The following OR4M1 variants were observed in gnomAD, a reference collection of about 807,000 sequenced individuals.
OR4M1 encodes the protein olfactory receptor family 4 subfamily M member 1.
A neutral mutation model predicts 9.8 loss-of-function variants in OR4M1; 7 were observed. The ratio of observed to expected loss-of-function variants is 0.71; its 90% CI spans 0.41 to 1.34. The LOEUF is 1.34. Ranked by LOEUF, OR4M1 falls within the 40% of genes most tolerant of loss-of-function variation. OR4M1 has a pLI of 0.01. For missense variants in OR4M1, 331 were observed against 380.4 expected (o/e 0.87, Z 1.08); for synonymous variants, 121 against 139.8 (o/e 0.87, Z 0.95).
chr14:19,780,989 G>A lies in OR4M1; in HGVS notation c.667G>A (p.Ala223Thr), dbSNP rs1401195387. Residue 223 changes from alanine to threonine, a missense_variant, in exon 2 of 2, where the codon GCC becomes ACC. Around this residue, in one of 2 missense-constraint regions of OR4M1, gnomAD observed 122 missense variants for 180.5 expected, o/e 0.68. Coordinates refer to ENST00000641200, the MANE Select transcript of OR4M1 (RefSeq NM_001005500.2). ...GTTAATGTCCTATGCCTTCCTTCTG[G>A]CCTTGCTCAAGAAACATTCAGGCTC... is the stretch of plus-strand genomic sequence containing the variant. ...ALLMSYAFLL[A>T]LLKKHSGSGE... The A allele has an allele frequency of 1.2e-6, 2 of 1,614,054 alleles. No individual in the cohort carries two copies. Among genetic ancestry groups the A allele is most frequent in the Non-Finnish European group, 1.7e-6 (2 of 1,180,036 alleles).
At chr14:19,774,387 T>C (rs1878250781) in intron 1 of OR4M1, among the ~76,000 whole-genome samples, 1 of 152,234 alleles carries the variant, frequency 6.6e-6, no homozygotes, top group Admixed American at 6.5e-5. Flanking sequence ...CATCCATCCA[T>C]CTATCCATTT....
intron 1 of OR4M1, among the ~76,000 whole-genome samples, chr14:19,778,671 C>T (rs1293815035): frequency 2.0e-5 from 3 of 152,182 alleles, no homozygotes; most frequent in African/African-American, 7.2e-5. Context: ...GCCCTCATAA[C>T]TAATAACACA....
At chr14:19,776,013 G>T (rs1878300215) in intron 1 of OR4M1, among the ~76,000 whole-genome samples, 1 of 152,016 alleles carries the variant, frequency 6.6e-6, no homozygotes, top group South Asian at 2.1e-4. Flanking sequence ...GAGGTCCCTG[G>T]GTTTCCTATA....
chr14:19,780,889 T>C lies in OR4M1; in HGVS notation c.567T>C (p.Cys189=), dbSNP rs1305722406. The C allele has an allele frequency of 1.2e-6, 2 of 1,614,236 alleles. No homozygotes were observed. Among genetic ancestry groups the C allele is most frequent in the East Asian group, 2.2e-5 (1 of 44,880 alleles). ...CDITQVVRIA[C]ANTFPEELVM... is the part of the protein sequence containing the mutation. ...TCACACAGGTTGTCCGGATTGCCTG[T>C]GCCAACACCTTCCCAGAGGAGTTAG... Residue 189 remains cysteine, a synonymous_variant, in exon 2 of 2, where the codon TGT becomes TGC. Coordinates refer to ENST00000641200, the MANE Select transcript of OR4M1 (RefSeq NM_001005500.2).
rs866585972 is a variant in OR4M1, at chr14:19,780,786, A to T, written c.464A>T (p.His155Leu). 1 of 1,614,182 alleles carries T rather than the reference A, an allele frequency of 6.2e-7. No homozygotes were observed. Among genetic ancestry groups the T allele is most frequent in the East Asian group, 2.2e-5 (1 of 44,886 alleles). The change falls in exon 2 of 2, where the codon CAT becomes CTT. Residue 155 changes from histidine to leucine, a missense_variant. Coordinates refer to ENST00000641200, the MANE Select transcript of OR4M1 (RefSeq NM_001005500.2). The part of the protein sequence containing the change: ...VALSWMGGFI[H>L]SIIQVALIVR... ...CTCTCCTGGATGGGGGGCTTCATTC[A>T]TTCTATAATACAGGTGGCTCTCATT...
chr14:19,776,430 T>G (rs1878311019), intron 1 of OR4M1, among the ~76,000 whole-genome samples: 1 of 152,218 alleles, frequency 6.6e-6, no homozygotes, highest in African/African-American at 2.4e-5. Flanking sequence ...GGTATTTCCA[T>G]AGTCACCCTC....
In OR4M1 at chr14:19,780,754, G is replaced by A. The variant is rs1878461341; in HGVS notation, c.432G>A (p.Leu144=). 1 of 1,614,194 alleles carries A rather than the reference G, an allele frequency of 6.2e-7. No individual in the cohort carries two copies. The highest frequency in any genetic ancestry group is 8.5e-7 in the Non-Finnish European group (1 of 1,180,034). The change falls in exon 2 of 2, where the codon CTG becomes CTA. Residue 144 remains leucine, a synonymous_variant. Coordinates refer to ENST00000641200, the MANE Select transcript of OR4M1 (RefSeq NM_001005500.2). ...TIMNRRLCCI[L]VALSWMGGFI... ...TGAATCGACGTCTCTGCTGTATCCTGGTGGCTCTCTCCTGGATGGGGGGCT... is the reference window on the plus strand; with the variant it reads ...TGAATCGACGTCTCTGCTGTATCCTAGTGGCTCTCTCCTGGATGGGGGGCT...
intron 1 of OR4M1, among the ~76,000 whole-genome samples, chr14:19,778,425 G>T (rs1878373137): frequency 6.6e-6 from 1 of 152,196 alleles, no homozygotes; most frequent in African/African-American, 2.4e-5. Context: ...TCTTGTAATG[G>T]TATTTACCGC....
intron 1 of OR4M1, among the ~76,000 whole-genome samples, chr14:19,779,183 T>G (rs553613475): frequency 6.6e-6 from 1 of 152,226 alleles, no homozygotes; most frequent in Middle Eastern, 3.2e-3. Flanking sequence ...GTAGTATACA[T>G]AGTGCCCATA....
Position 19,781,198 on chromosome 14 carries a change from A to C in OR4M1, c.876A>C (p.Arg292Ser), listed in dbSNP as rs1446562098. 1.9e-6 allele frequency: 3 copies of C among 1,614,152 alleles called. No individual in the cohort carries two copies. Among genetic ancestry groups the C allele is most frequent in the South Asian group, 2.2e-5 (2 of 91,074 alleles). The stretch of plus-strand genomic sequence containing the variant: ...TTAATCCCATTATTTACACATTGAG[A>C]AACAAGGAAGTAAAGGCAGCCATGA... ...PLLNPIIYTLRNKEVKAAMRK... is the reference protein window; with the variant it reads ...PLLNPIIYTLSNKEVKAAMRK... The change falls in exon 2 of 2, where the codon AGA (arginine) becomes AGC (serine). Residue 292 changes from arginine (R) to serine (S), a missense_variant. Coordinates refer to ENST00000641200, the MANE Select transcript of OR4M1 (RefSeq NM_001005500.2).
chr14:19,781,795 TGAG>T lies in OR4M1; in HGVS notation c.*534_*536del, dbSNP rs1167075850. 6.4e-6 allele frequency: 1 copy of T among 155,630 alleles called. No homozygotes were observed. The highest frequency in any genetic ancestry group is 2.4e-5 in the African/African-American group (1 of 41,488). 9.6% of individuals were successfully genotyped at this position (155,630 alleles called of 1,614,324 possible). A position where few individuals can be genotyped will look rare whatever the true frequency, so the allele number is the denominator to read the frequency against. On this transcript the variant is annotated 3_prime_UTR_variant, in exon 2 of 2. Coordinates refer to ENST00000641200, the MANE Select transcript of OR4M1 (RefSeq NM_001005500.2). ...TCTTATTTCCAGAGTTGATGGAAAA[TGAG>T]GATTCATTTATAGAAGGTATTTCAG...
Position 19,780,868 on chromosome 14 carries a change from A to G in OR4M1, c.546A>G (p.Thr182=). The G allele has an allele frequency of 2.5e-6, 4 of 1,614,194 alleles. No homozygotes were observed. Among genetic ancestry groups the G allele is most frequent in the Non-Finnish European group, 3.4e-6 (4 of 1,180,032 alleles). Residue 182 remains threonine, a synonymous_variant, in exon 2 of 2, where the codon ACA becomes ACG. Transcript: ENST00000641200. ...NELDSYFCDI[T]QVVRIACANT... is the part of the protein sequence containing the mutation. ...TAGACAGTTACTTCTGTGACATCACACAGGTTGTCCGGATTGCCTGTGCCA... is the reference window on the plus strand; with the variant it reads ...TAGACAGTTACTTCTGTGACATCACGCAGGTTGTCCGGATTGCCTGTGCCA...
Position 19,780,619 on chromosome 14 carries a change from A to G in OR4M1, c.297A>G (p.Ala99=), listed in dbSNP as rs202052638. The change falls in exon 2 of 2, where the codon GCA becomes GCG. Residue 99 remains alanine, a synonymous_variant. Transcript: ENST00000641200. The part of the protein sequence containing the change: ...RKIISFGGCI[A]QLFFLHFVGA... Reference sequence around the variant, plus strand: ...TAATTTCCTTTGGTGGATGCATTGCACAGCTCTTCTTCTTACACTTTGTTG... The same window carrying G: ...TAATTTCCTTTGGTGGATGCATTGCGCAGCTCTTCTTCTTACACTTTGTTG... 4.5e-4 allele frequency: 731 copies of G among 1,614,120 alleles called. 2 individuals are homozygous for G. In the Admixed American group the frequency reaches 0.012, roughly 26 times the overall value.
rs1310262442 is a variant in OR4M1, at chr14:19,777,034, ATATATATATATATATT to A, written c.-29-3259_-29-3244del. Among the ~76,000 whole-genome samples, 173 of 128,562 alleles carry A rather than the reference ATATATATATATATATT, an allele frequency of 1.3e-3. 1 individual carries two copies. The highest frequency in any genetic ancestry group is 4.2e-3 in the Middle Eastern group (1 of 238). 84.3% of individuals were successfully genotyped at this position (128,562 alleles called of 152,430 possible). The stretch of plus-strand genomic sequence containing the variant: ...TATATATATATATATATATATATAT[ATATATATATATATATT>A]GTTTGTTTGTTTTTCCTGTAATGTT... On this transcript the variant is annotated intron_variant, in intron 1 of 1. Coordinates refer to ENST00000641200, the MANE Select transcript of OR4M1 (RefSeq NM_001005500.2).
In OR4M1 at chr14:19,781,366, T is replaced by C. The variant is rs1452784327; in HGVS notation, c.*102T>C. 4 of 1,080,996 alleles carry C rather than the reference T, an allele frequency of 3.7e-6. No homozygotes were observed. The highest frequency in any genetic ancestry group is 5.2e-6 in the Non-Finnish European group (4 of 769,576). The allele number at this position is 1,080,996 out of a possible 1,614,324, so 67.0% of individuals were successfully genotyped here. A position where few individuals can be genotyped will look rare whatever the true frequency, so the allele number is the denominator to read the frequency against. ...CATTCACTTCCTCCGTTCATTTGTG[T>C]TCTTAAAATTTTACTATAATTTTTC... is the stretch of plus-strand genomic sequence containing the variant. On this transcript the variant is annotated 3_prime_UTR_variant, in exon 2 of 2. Coordinates refer to ENST00000641200, the MANE Select transcript of OR4M1 (RefSeq NM_001005500.2).
rs1179562872 is a variant in OR4M1 at position 19,783,617 on chromosome 14, T to A, written c.*2353T>A. 1 of 152,316 alleles carries A rather than the reference T, an allele frequency of 6.6e-6. No individual in the cohort carries two copies. The highest frequency in any genetic ancestry group is 1.9e-4 in the East Asian group (1 of 5,202). 9.4% of individuals were successfully genotyped at this position (152,316 alleles called of 1,614,324 possible). ...TGCCTCAGGACTCCTTTTCCCTATATAACTCCTACATTTTCTTTCAGTTAC... is the reference window on the plus strand; with the variant it reads ...TGCCTCAGGACTCCTTTTCCCTATAAAACTCCTACATTTTCTTTCAGTTAC... On this transcript the variant is annotated 3_prime_UTR_variant, in exon 2 of 2. Coordinates refer to ENST00000641200, the MANE Select transcript of OR4M1 (RefSeq NM_001005500.2).
intron 1 of OR4M1, among the ~76,000 whole-genome samples, chr14:19,779,024 CGT>C (rs1325336506): frequency 6.6e-6 from 1 of 152,124 alleles, no homozygotes; most frequent in Non-Finnish European, 1.5e-5. Context: ...TGTTTTTGTG[CGT>C]GTGTGTGTCT....
At position 19,781,585 on chromosome 14, in the gene OR4M1, G is replaced by C; in HGVS notation, c.*321G>C. On this transcript the variant is annotated 3_prime_UTR_variant, in exon 2 of 2. Transcript: ENST00000641200. ...GCTCTGGCTTTGAGGGGAACATGTT[G>C]ATAAAAATAAATAAGACATGGAGAC... 1 of 280,234 alleles carries C rather than the reference G, an allele frequency of 3.6e-6. No homozygotes were observed. The highest frequency in any genetic ancestry group is 6.7e-6 in the Non-Finnish European group (1 of 149,700). The allele number at this position is 280,234 out of a possible 1,614,324, so 17.4% of individuals were successfully genotyped here.
rs533834011 is a variant in OR4M1 at position 19,774,479 on chromosome 14, C to G, written c.-30+886C>G. Among the ~76,000 whole-genome samples, 6 of 152,298 alleles carry G rather than the reference C, an allele frequency of 3.9e-5. No homozygotes were observed. In the South Asian group the frequency reaches 1.2e-3, roughly 32 times the overall value. ...ATAAATGAGACATACTCCATGACCT[C>G]AAGGAGCTCAGAGTTTCTGTTATAT... On this transcript the variant is annotated intron_variant, in intron 1 of 1. Coordinates refer to ENST00000641200, the MANE Select transcript of OR4M1 (RefSeq NM_001005500.2).
Sources: allele counts gnomAD v4.1 joint callset (sites outside exome capture counted in the v4.1 genomes callset), GRCh38; gene constraint gnomAD v4.1.1; regional missense constraint gnomAD v4.1.1; transcripts MANE v1.5; gene names NCBI Gene and HGNC (gene_info 2026-07-23, HGNC 2026-07-21).